Variants in DUS2 observed in about 807,000 individuals in gnomAD.
DUS2 encodes tRNA-dihydrouridine(20) synthase [NAD(P)+]-like.
A neutral mutation model predicts 71.3 loss-of-function variants in DUS2; 52 were observed. The ratio of observed to expected loss-of-function variants is 0.73; its 90% CI spans 0.58 to 0.92. The LOEUF (loss-of-function observed/expected upper bound fraction) is 0.92, where lower values mean the gene tolerates loss of function less well. DUS2 is among the 40% of genes least tolerant of loss of function. DUS2 has a pLI of 0.00. For synonymous variants in DUS2, 204 were observed against 227.8 expected (o/e 0.90, Z 0.94); for missense variants, 558 against 622.6 (o/e 0.90, Z 1.10).
intron 2 of DUS2, chr16:68,026,982 G>T (rs1478263086): frequency 6.6e-6 from 1 of 150,762 alleles, no homozygotes; most frequent in African/African-American, 2.4e-5. Context: ...TCAGTATCCA[G>T]AATTGGGCTC....
intron 2 of DUS2, among the ~76,000 whole-genome samples, chr16:68,032,995 G>A (rs1369620663): frequency 6.6e-6 from 1 of 152,050 alleles, no homozygotes; most frequent in Non-Finnish European, 1.5e-5. Flanking sequence ...GGGTGAGGCT[G>A]GAGAGGTGGG....
intron 14 of DUS2, 71 bp from the exon 15 acceptor site, chr16:68,076,561 G>C: frequency 4.2e-6 from 5 of 1,194,822 alleles, no homozygotes; most frequent in Non-Finnish European, 6.2e-6. Flanking sequence ...TTCAGGAGCT[G>C]AGTAGTGCCC....
intron 7 of DUS2, among the ~76,000 whole-genome samples, chr16:68,059,369 A>G (rs1448940809): frequency 6.6e-6 from 1 of 152,232 alleles, no homozygotes; most frequent in East Asian, 1.9e-4. Context: ...AAGGAAGGAA[A>G]TTCCATTGTT....
chr16:68,057,001 A>G (rs1345056894), intron 7 of DUS2, among the ~76,000 whole-genome samples: 1 of 140,366 alleles, frequency 7.1e-6, no homozygotes, highest in African/African-American at 2.6e-5. Context: ...ATATATAAAT[A>G]TATAATATAT....
intron 3 of DUS2, among the ~76,000 whole-genome samples, chr16:68,045,673 C>T (rs1458873022): frequency 6.7e-5 from 10 of 149,650 alleles, no homozygotes; most frequent in African/African-American, 2.4e-4. Flanking sequence ...ATATGGATGC[C>T]TTTTATTTTA....
intron 10 of DUS2, among the ~76,000 whole-genome samples, chr16:68,067,731 C>T (rs2034030678): frequency 6.6e-6 from 1 of 152,140 alleles, no homozygotes; most frequent in South Asian, 2.1e-4. Flanking sequence ...ACAATCATAG[C>T]TCACTGCAGC....
intron 2 of DUS2, among the ~76,000 whole-genome samples, chr16:68,026,456 G>A (rs545666477): frequency 1.3e-5 from 2 of 152,134 alleles, no homozygotes; most frequent in Admixed American, 6.6e-5. Context: ...CTGTGCGCAG[G>A]TAATCATATT....
chr16:68,073,768 A>G (rs866387555), intron 12 of DUS2, among the ~76,000 whole-genome samples: 2 of 151,302 alleles, frequency 1.3e-5, no homozygotes, highest in Non-Finnish European at 2.9e-5. Context: ...CTTTTTTTTA[A>G]TTTTTGTAGA....
intron 10 of DUS2, among the ~76,000 whole-genome samples, chr16:68,068,584 CTTTTTTT>C (rs59827856): frequency 7.4e-5 from 5 of 67,268 alleles, no homozygotes; most frequent in African/African-American, 1.2e-4. Flanking sequence ...CTTTCTCTCT[CTTTTTTT>C]TTTTTTTTTT....
intron 12 of DUS2, 95 bp from the exon 13 acceptor site, chr16:68,073,939 T>G (rs1191553153): frequency 5.3e-6 from 8 of 1,518,264 alleles, no homozygotes; most frequent in Middle Eastern, 1.9e-4. Flanking sequence ...CACATACATC[T>G]CTGGTGCCTT....
chr16:68,037,993 C>CT lies in DUS2; in HGVS notation c.-18-4dup, dbSNP rs569037112. 1.2e-3 allele frequency: 1,867 copies of CT among 1,544,922 alleles called. No homozygotes were observed. The highest frequency in any genetic ancestry group is 1.4e-3 in the Admixed American group (74 of 54,610). The stretch of plus-strand genomic sequence containing the variant: ...TTTGAATTTCTGACTCTTGTTTCCT[C>CT]TTTTTTTTTCAGGCTGTAACAGAGG... On this transcript the variant is annotated splice_polypyrimidine_tract_variant and intron_variant, in intron 2 of 16. Transcript: ENST00000565263.
intron 4 of DUS2, among the ~76,000 whole-genome samples, chr16:68,051,929 T>C (rs998663569): frequency 6.6e-6 from 1 of 152,104 alleles, no homozygotes; most frequent in Non-Finnish European, 1.5e-5. Context: ...GATGGAATCT[T>C]ACTCTGTAGC....
intron 6 of DUS2, 81 bp from the exon 7 acceptor site, chr16:68,056,283 A>G (rs1020095120): frequency 3.3e-5 from 41 of 1,225,444 alleles, no homozygotes; most frequent in Non-Finnish European, 4.8e-5. Context: ...GTTCATGAGC[A>G]CAGGCCCATC....
chr16:68,072,370 A>G (rs2034099639), intron 12 of DUS2, among the ~76,000 whole-genome samples: 3 of 152,352 alleles, frequency 2.0e-5, no homozygotes, highest in Admixed American at 2.0e-4. Context: ...TCAGCTATCC[A>G]GCTTTTTGGC....
chr16:68,055,042 A>AG (rs1482491340), intron 6 of DUS2, among the ~76,000 whole-genome samples: 2 of 101,562 alleles, frequency 2.0e-5, no homozygotes, highest in African/African-American at 8.7e-5. Flanking sequence ...ACTCTGTCTT[A>AG]AAAAAAAAAG....
intron 12 of DUS2, 66 bp from the exon 13 acceptor site, chr16:68,073,968 G>GCCA (rs1347562153): frequency 6.3e-7 from 1 of 1,595,534 alleles, no homozygotes; most frequent in African/African-American, 1.3e-5. Context: ...TCCTTTCCCT[G>GCCA]CCATCAGAGC....
Position 68,056,347 on chromosome 16 carries a change from C to G in DUS2, c.309-17C>G. ...TAATTCAATACTTATTACCTTTACT[C>G]CTTCATCCTTTTCCAGAGAAAATGA... On this transcript the variant is annotated splice_polypyrimidine_tract_variant and intron_variant, in intron 6 of 16. Transcript: ENST00000565263. 6.2e-7 allele frequency: 1 copy of G among 1,611,076 alleles called. No homozygotes were observed. Among genetic ancestry groups the G allele is most frequent in the African/African-American group, 1.3e-5 (1 of 74,958 alleles).
At chr16:68,040,041 G>A (rs759474129) in intron 3 of DUS2, among the ~76,000 whole-genome samples, 8 of 152,018 alleles carry the variant, frequency 5.3e-5, no homozygotes, top group East Asian at 1.9e-4. Flanking sequence ...GGGATTTGGC[G>A]TGATGGGTAA....
chr16:68,034,264 C>T (rs559621250), intron 2 of DUS2, among the ~76,000 whole-genome samples: 2 of 152,118 alleles, frequency 1.3e-5, no homozygotes, highest in Non-Finnish European at 2.9e-5. Context: ...GAGGTCTTGC[C>T]ATGTTACCCA....
Sources: allele counts gnomAD v4.1 joint callset (sites outside exome capture counted in the v4.1 genomes callset), GRCh38; gene constraint gnomAD v4.1.1; transcripts MANE v1.5; gene names NCBI Gene and HGNC (gene_info 2026-07-23, HGNC 2026-07-21).